Variants in NOX4 observed in about 807,000 individuals in gnomAD.
NOX4 encodes the protein kidney oxidase-1.
NOX4 carries 69 observed loss-of-function variants against 87.6 expected under a neutral mutation model. That is an observed-to-expected ratio of 0.79 (90% CI 0.65 to 0.96). The LOEUF (loss-of-function observed/expected upper bound fraction) is 0.96. Among genes scored for constraint, NOX4 ranks in the 40% least tolerant of loss-of-function variants. The pLI, the probability that NOX4 is intolerant of heterozygous loss-of-function variation, is 0.00. For missense variants in NOX4, 680 were observed against 681.5 expected, an observed-to-expected ratio of 1.00 and a Z score of 0.02; for synonymous variants, 275 against 238.2, an observed-to-expected ratio of 1.15 and a Z score of -1.42.
chr11:89,426,392 G>C (rs1943411630), intron 7 of NOX4, among the ~76,000 whole-genome samples: 1 of 151,964 alleles, frequency 6.6e-6, no homozygotes, highest in Non-Finnish European at 1.5e-5. Context: ...AGTGGGTACA[G>C]CCCACCGAGC....
chr11:89,509,526 T>C, the NOX4 span, among the ~76,000 whole-genome samples: 1 of 152,042 alleles, frequency 6.6e-6, no homozygotes, highest in Non-Finnish European at 1.5e-5. Context: ...TTGGGAGCCA[T>C]CAACAAGTTA....
chr11:89,361,757 C>T (rs940483635), intron 12 of NOX4, among the ~76,000 whole-genome samples: 14 of 152,064 alleles, frequency 9.2e-5, no homozygotes, highest in Admixed American at 9.2e-4. Context: ...ATTTCATATT[C>T]ACATGAGATT....
At chr11:89,491,420 C>G, upstream of NOX4, 1 of 585,042 alleles carries the variant, frequency 1.7e-6, no homozygotes, top group Non-Finnish European at 2.9e-6. Context: ...GCGGGGTCTG[C>G]TACCCAGAGC....
At chr11:89,338,796 C>T (rs1344944226) in intron 15 of NOX4, among the ~76,000 whole-genome samples, 2 of 152,104 alleles carry the variant, frequency 1.3e-5, no homozygotes, top group Non-Finnish European at 2.9e-5. Context: ...GTCAAGTCTG[C>T]TCAAATGGCA....
At chr11:89,491,754 AC>A (rs1946865193), upstream of NOX4, among the ~76,000 whole-genome samples, 3 of 147,106 alleles carry the variant, frequency 2.0e-5, no homozygotes, top group African/African-American at 8.0e-5. Context: ...ACACACACAC[AC>A]ACACACACAC....
chr11:89,484,564 C>G (rs956757105), intron 2 of NOX4, among the ~76,000 whole-genome samples: 1 of 151,888 alleles, frequency 6.6e-6, no homozygotes, highest in Non-Finnish European at 1.5e-5. Flanking sequence ...CTAAGGAGAA[C>G]AATAGACTAA....
chr11:89,497,108 C>T (rs1425651007), upstream of NOX4, among the ~76,000 whole-genome samples: 2 of 152,170 alleles, frequency 1.3e-5, no homozygotes, highest in Non-Finnish European at 2.9e-5. Context: ...TGGCAGCTTT[C>T]CCCAGTCATC....
Position 89,365,753 on chromosome 11 carries a change from C to CAAAAAAAAA in NOX4, c.1135+7670_1135+7678dup, listed in dbSNP as rs1213376592. Among the ~76,000 whole-genome samples, 114 of 56,650 alleles carry CAAAAAAAAA rather than the reference C, an allele frequency of 2.0e-3. 5 individuals are homozygous for CAAAAAAAAA. The highest frequency in any genetic ancestry group is 7.1e-3 in the African/African-American group (106 of 14,854). 37.2% of individuals were successfully genotyped at this position (56,650 alleles called of 152,430 possible). ...TTATCCAAGACCAAGACCACGCCCA[C>CAAAAAAAAA]AAAAAAAAAAAAAAAAAAAAAAACA... On this transcript the variant is annotated intron_variant, in intron 12 of 17. Transcript: ENST00000263317.
At chr11:89,334,247 A>C (rs1281194229) in intron 17 of NOX4, among the ~76,000 whole-genome samples, 1 of 151,710 alleles carries the variant, frequency 6.6e-6, no homozygotes, top group Non-Finnish European at 1.5e-5. Flanking sequence ...TATCACATCT[A>C]AGATGGGTGA....
chr11:89,552,547 T>C, the NOX4 span, among the ~76,000 whole-genome samples: 1 of 152,204 alleles, frequency 6.6e-6, no homozygotes, highest in Non-Finnish European at 1.5e-5. Context: ...CCTAGGTAAG[T>C]TACCATCTAG....
intron 2 of NOX4, among the ~76,000 whole-genome samples, chr11:89,486,282 A>T (rs983351823): frequency 1.3e-5 from 2 of 148,324 alleles, no homozygotes; most frequent in African/African-American, 4.9e-5. Flanking sequence ...TAAATAAATA[A>T]ATAAATAAAT....
intron 2 of NOX4, among the ~76,000 whole-genome samples, chr11:89,488,181 C>T (rs1198144179): frequency 1.3e-5 from 2 of 152,074 alleles, no homozygotes; most frequent in Non-Finnish European, 2.9e-5. Flanking sequence ...CTTGTGTGTT[C>T]TTAAAAACTA....
the NOX4 span, among the ~76,000 whole-genome samples, chr11:89,521,095 T>C: frequency 3.3e-5 from 5 of 152,114 alleles, no homozygotes; most frequent in East Asian, 5.8e-4. Flanking sequence ...AAATCAGTAT[T>C]GTTAGAATGG....
chr11:89,448,566 A>G (rs1184101313), intron 4 of NOX4, among the ~76,000 whole-genome samples: 1 of 152,130 alleles, frequency 6.6e-6, no homozygotes, highest in Non-Finnish European at 1.5e-5. Flanking sequence ...CTAATCTACT[A>G]ATGAGTATTT....
chr11:89,463,724 T>TTTTTTTTTTTTTTTTTTTTG (rs1565324465), intron 2 of NOX4, among the ~76,000 whole-genome samples: 1 of 151,918 alleles, frequency 6.6e-6, no homozygotes, highest in African/African-American at 2.4e-5. Context: ...AGGTTATTTC[T>TTTTTTTTTTTTTTTTTTTTG]ACATCTTAAG....
chr11:89,420,607 T>G (rs317126), intron 8 of NOX4, among the ~76,000 whole-genome samples: 88,734 of 151,746 alleles, frequency 0.58, 28,238 homozygotes, highest in African/African-American at 0.84. Context: ...TAAAATCAGG[T>G]GGAAAAAAGC....
At chr11:89,554,953 G>C in the NOX4 span, among the ~76,000 whole-genome samples, 1 of 152,066 alleles carries the variant, frequency 6.6e-6, no homozygotes, top group Non-Finnish European at 1.5e-5. Context: ...ATAATTTGAT[G>C]AGAAATACTA....
intron 2 of NOX4, among the ~76,000 whole-genome samples, chr11:89,456,190 A>G (rs180697492): frequency 6.6e-6 from 1 of 152,288 alleles, no homozygotes; most frequent in East Asian, 1.9e-4. Context: ...ATACATATAT[A>G]CAATTACTAT....
In NOX4 at chr11:89,325,112, A is replaced by ATTTTTT. The variant is rs1590923384; in HGVS notation, c.*1643_*1644insAAAAAA. ...ATCACTAAACTGTATGAATGCTTTA[A>ATTTTTT]TTCTTTTTTTTTTTTTTTTTTTTTT... On this transcript the variant is annotated 3_prime_UTR_variant, in exon 18 of 18. Transcript: ENST00000263317. 37 of 71,196 alleles carry ATTTTTT rather than the reference A, an allele frequency of 5.2e-4. No homozygotes were observed. Among genetic ancestry groups the ATTTTTT allele is most frequent in the Admixed American group, 1.7e-3 (12 of 7,270 alleles). 4.4% of individuals were successfully genotyped at this position (71,196 alleles called of 1,614,324 possible). A position where few individuals can be genotyped will look rare whatever the true frequency, so the allele number is the denominator to read the frequency against.
Sources: gnomAD v4.1 joint callset for allele counts (sites outside exome capture counted in the v4.1 genomes callset) on GRCh38, gnomAD v4.1.1 for gene constraint, MANE v1.5 for transcripts, NCBI Gene and HGNC (gene_info 2026-07-23, HGNC 2026-07-21) for gene names.